Variants in GDPD4 observed in about 807,000 individuals in gnomAD.
GDPD4 encodes the protein glycerophosphodiester phosphodiesterase domain containing 4.
A neutral mutation model predicts 67.8 loss-of-function variants in GDPD4; 60 were observed. The observed-to-expected ratio is 0.88, with a 90% CI of 0.72 to 1.10. The LOEUF (loss-of-function observed/expected upper bound fraction) is 1.10. Among genes scored for constraint, GDPD4 ranks in the 50% least tolerant of loss-of-function variants. GDPD4 has a pLI of 0.00. For synonymous variants in GDPD4, 212 were observed against 210.9 expected, an observed-to-expected ratio of 1.00 and a Z score of -0.04; for missense variants, 623 against 613.9, an observed-to-expected ratio of 1.01 and a Z score of -0.16.
chr11:77,228,903 C>T (rs964408492), intron 15 of GDPD4, among the ~76,000 whole-genome samples: 4 of 152,194 alleles, frequency 2.6e-5, no homozygotes, highest in Non-Finnish European at 5.9e-5. Context: ...AACTGCTCCA[C>T]ATTGAATCCA....
At chr11:77,273,639 G>C (rs1488039221) in intron 5 of GDPD4, among the ~76,000 whole-genome samples, 1 of 152,198 alleles carries the variant, frequency 6.6e-6, no homozygotes, top group Non-Finnish European at 1.5e-5. Context: ...AGAGATTCTG[G>C]ATTTAATATC....
chr11:77,218,036 C>CT (rs1046892240), intron 16 of GDPD4, among the ~76,000 whole-genome samples: 35 of 148,256 alleles, frequency 2.4e-4, no homozygotes, highest in African/African-American at 5.7e-4. Context: ...ATATTCAAAG[C>CT]TTTTTTTTTA....
Position 77,272,588 on chromosome 11 carries a change from C to T in GDPD4, c.208-1195G>A, listed in dbSNP as rs1426680176. Among the ~76,000 whole-genome samples, 3 of 152,028 alleles carry T rather than the reference C, an allele frequency of 2.0e-5. No homozygotes were observed. In the East Asian group the frequency reaches 5.8e-4, roughly 29 times the overall value. The stretch of plus-strand genomic sequence containing the variant: ...GCCAGGAGTTCGAGATAAGCCTGGC[C>T]AATATGGTGAAACCCCATCTCTACT... On this transcript the variant is annotated intron_variant, in intron 5 of 16. Transcript: ENST00000315938.
intron 5 of GDPD4, among the ~76,000 whole-genome samples, chr11:77,274,931 G>C (rs1376158269): frequency 6.6e-6 from 1 of 152,144 alleles, no homozygotes; most frequent in African/African-American, 2.4e-5. Flanking sequence ...GTTGGTTAAT[G>C]AGAACATACC....
chr11:77,268,848 T>C lies in GDPD4; in HGVS notation c.624+76A>G, dbSNP rs909527991. 4 of 1,439,700 alleles carry C rather than the reference T, an allele frequency of 2.8e-6. No homozygotes were observed. The Admixed American group carries it at 6.1e-5, about 22-fold the overall frequency. The allele number at this position is 1,439,700 out of a possible 1,614,324, so 89.2% of individuals were successfully genotyped here. A position where few individuals can be genotyped will look rare whatever the true frequency, so the allele number is the denominator to read the frequency against. ...CACTTTTTCTCTCCAGGGGCTTCCA[T>C]GGTTCTCTTTTCTTCTCTTGACCAC... On this transcript the variant is annotated intron_variant, in intron 9 of 16. Transcript: ENST00000315938.
At chr11:77,294,154 C>G (rs777003481) in intron 1 of GDPD4, among the ~76,000 whole-genome samples, 2 of 152,066 alleles carry the variant, frequency 1.3e-5, no homozygotes, top group African/African-American at 4.8e-5. Context: ...AATGGGAAAA[C>G]TGGTGAAATC....
intron 10 of GDPD4, among the ~76,000 whole-genome samples, chr11:77,263,903 A>G (rs923120007): frequency 3.3e-5 from 5 of 152,194 alleles, no homozygotes; most frequent in African/African-American, 1.2e-4. Context: ...GAGAGGGAGT[A>G]AGAGCAATAG....
At chr11:77,255,268 T>G (rs1437797275) in intron 11 of GDPD4, among the ~76,000 whole-genome samples, 2 of 152,102 alleles carry the variant, frequency 1.3e-5, no homozygotes, top group Non-Finnish European at 2.9e-5. Context: ...GAAGAAATGT[T>G]TGAAAACCAA....
At chr11:77,220,211 C>T (rs956452517) in intron 16 of GDPD4, among the ~76,000 whole-genome samples, 11 of 152,180 alleles carry the variant, frequency 7.2e-5, no homozygotes, top group Non-Finnish European at 1.3e-4. Context: ...CTTTCTCTTG[C>T]CTGATTGCCC....
At chr11:77,243,209 G>A (rs1958707553) in intron 13 of GDPD4, among the ~76,000 whole-genome samples, 1 of 152,060 alleles carries the variant, frequency 6.6e-6, no homozygotes, top group Non-Finnish European at 1.5e-5. Flanking sequence ...AATAATTTTA[G>A]TTTCTTCTCA....
chr11:77,249,594 T>C (rs1032667531), intron 11 of GDPD4, among the ~76,000 whole-genome samples: 3 of 151,974 alleles, frequency 2.0e-5, no homozygotes, highest in African/African-American at 7.3e-5. Context: ...GAGACACAGG[T>C]GAAAGGAGAT....
chr11:77,263,363 T>C (rs1227600020), intron 10 of GDPD4, among the ~76,000 whole-genome samples: 1 of 152,130 alleles, frequency 6.6e-6, no homozygotes, highest in Non-Finnish European at 1.5e-5. Flanking sequence ...AGACATATGC[T>C]TTACACAAAA....
chr11:77,294,998 C>T (rs1429685676), intron 1 of GDPD4, among the ~76,000 whole-genome samples: 6 of 142,596 alleles, frequency 4.2e-5, no homozygotes, highest in African/African-American at 1.6e-4. Context: ...ACAGAGTCTC[C>T]CTCTGTCACC....
rs1020063508 is a variant in GDPD4, at chr11:77,221,611, T to G, written c.1526-4297A>C. ...GGTCTGAGAGACAGTTTGTTGTGAT[T>G]TCTGTTCTTTTACATTTGCTGAGGA... is the stretch of plus-strand genomic sequence containing the variant. On this transcript the variant is annotated intron_variant, in intron 16 of 16. Coordinates refer to ENST00000315938, the MANE Select transcript of GDPD4 (RefSeq NM_182833.3). Among the ~76,000 whole-genome samples, 6 of 152,190 alleles carry G rather than the reference T, an allele frequency of 3.9e-5. 1 individual carries two copies. Among genetic ancestry groups the G allele is most frequent in the Non-Finnish European group, 8.8e-5 (6 of 68,038 alleles).
intron 15 of GDPD4, 112 bp from the exon 16 acceptor site, chr11:77,228,028 T>C: frequency 1.3e-6 from 1 of 785,486 alleles, no homozygotes. Context: ...CTTACAATCC[T>C]ATAGCATTTG....
At chr11:77,245,674 T>C (rs1320281393) in intron 11 of GDPD4, among the ~76,000 whole-genome samples, 172 bp from the exon 12 acceptor site, 2 of 152,186 alleles carry the variant, frequency 1.3e-5, no homozygotes, top group African/African-American at 4.8e-5. Flanking sequence ...GTAATCATCA[T>C]CAATAATTAC....
At chr11:77,276,954 C>A (rs898237144) in intron 4 of GDPD4, among the ~76,000 whole-genome samples, 3 of 151,910 alleles carry the variant, frequency 2.0e-5, no homozygotes, top group African/African-American at 7.3e-5. Flanking sequence ...AGTTACATGC[C>A]TTGACCAAGG....
In GDPD4 at chr11:77,245,437, T is replaced by G; in HGVS notation, c.930A>C (p.Ser310=). The G allele has an allele frequency of 6.2e-7, 1 of 1,614,184 alleles. No individual in the cohort carries two copies. The highest frequency in any genetic ancestry group is 8.5e-7 in the Non-Finnish European group (1 of 1,180,002). ...TCAATAAATCAGCTAGTGTTGGAAT[T>G]GACTGATTTCTTGCTCTTTCTTTAT... ...EADKERARNQ[S]IPTLADLLTL... Residue 310 remains serine, a synonymous_variant, in exon 12 of 17, where the codon TCA becomes TCC. Transcript: ENST00000315938.
At chr11:77,238,439 C>T (rs1407367761) in intron 13 of GDPD4, among the ~76,000 whole-genome samples, 1 of 151,926 alleles carries the variant, frequency 6.6e-6, no homozygotes, top group Non-Finnish European at 1.5e-5. Flanking sequence ...CAAAAATTAG[C>T]TAGGTGTGGT....
Sources: allele counts gnomAD v4.1 joint callset (sites outside exome capture counted in the v4.1 genomes callset), GRCh38; gene constraint gnomAD v4.1.1; transcripts MANE v1.5; gene names NCBI Gene and HGNC (gene_info 2026-07-23, HGNC 2026-07-21).